Variants in BTBD9 observed in about 807,000 individuals in gnomAD.
BTBD9 encodes BTB/POZ domain-containing protein 9.
Under a neutral mutation model 64.3 loss-of-function variants are expected in BTBD9, and 49 were observed. The ratio of observed to expected loss-of-function variants is 0.76; its 90% CI spans 0.61 to 0.97. The LOEUF (loss-of-function observed/expected upper bound fraction) is 0.97, where lower values mean the gene tolerates loss of function less well. Among genes scored for constraint, BTBD9 ranks in the 50% least tolerant of loss-of-function variants. The pLI is 0.00. For missense variants in BTBD9, 598 were observed against 762.1 expected (o/e 0.78, Z 2.53); for synonymous variants, 260 against 274.7 (o/e 0.95, Z 0.53).
rs1401647748 is a variant in BTBD9, at chr6:38,168,697, TC to T, written c.*6287del. ...CATTCCCAACCCAGGCCTGGCATGG[TC>T]CCTGCCCTTGCATCAGAGTGGCCTG... On this transcript the variant is annotated 3_prime_UTR_variant, in exon 11 of 11. Transcript: ENST00000481247. 3.3e-5 allele frequency: 5 copies of T among 152,280 alleles called. No homozygotes were observed. The highest frequency in any genetic ancestry group is 5.9e-5 in the Non-Finnish European group (4 of 68,066). 9.4% of individuals were successfully genotyped at this position (152,280 alleles called of 1,614,324 possible).
At chr6:38,362,003 C>T (rs1249850552) in intron 6 of BTBD9, among the ~76,000 whole-genome samples, 2 of 152,198 alleles carry the variant, frequency 1.3e-5, no homozygotes, top group African/African-American at 4.8e-5. Flanking sequence ...CCTCCACTTG[C>T]TTTTCTGGCT....
intron 6 of BTBD9, among the ~76,000 whole-genome samples, chr6:38,556,258 T>C (rs985160429): frequency 6.6e-6 from 1 of 152,112 alleles, no homozygotes; most frequent in African/African-American, 2.4e-5. Flanking sequence ...ATAGTATAAA[T>C]AGACTAAATA....
intron 6 of BTBD9, among the ~76,000 whole-genome samples, chr6:38,448,933 C>T (rs778345752): frequency 5.3e-5 from 8 of 152,150 alleles, no homozygotes; most frequent in Non-Finnish European, 1.2e-4. Flanking sequence ...AACCACATGG[C>T]CCATCTGGGT....
rs183246349 is a variant in BTBD9, at chr6:38,635,080, A to G, written c.-28+4720T>C. The stretch of plus-strand genomic sequence containing the variant: ...CCCCAGTCCACACCTACTTAATCAG[A>G]AACTATGGGGGTGGGACCCAGAAAT... On this transcript the variant is annotated intron_variant, in intron 1 of 10. Coordinates refer to ENST00000481247, the MANE Select transcript of BTBD9 (RefSeq NM_001099272.2). Among the ~76,000 whole-genome samples the G allele has an allele frequency of 4.6e-5, 7 of 152,158 alleles. No homozygotes were observed. The East Asian group carries it at 1.2e-3, about 25-fold the overall frequency.
chr6:38,508,801 G>T (rs1260869997), intron 6 of BTBD9, among the ~76,000 whole-genome samples: 1 of 152,046 alleles, frequency 6.6e-6, no homozygotes, highest in Admixed American at 6.6e-5. Context: ...GTCCATACAT[G>T]TTATTCCCCC....
At chr6:38,240,851 T>C (rs997337367) in intron 9 of BTBD9, among the ~76,000 whole-genome samples, 2 of 152,174 alleles carry the variant, frequency 1.3e-5, no homozygotes, top group Admixed American at 6.5e-5. Context: ...GGCTTTCAAT[T>C]AGCCTACCAG....
At chr6:38,623,599 C>T (rs774585447) in intron 1 of BTBD9, among the ~76,000 whole-genome samples, 6 of 152,198 alleles carry the variant, frequency 3.9e-5, no homozygotes, top group Admixed American at 2.0e-4. Flanking sequence ...ACTAACCAGT[C>T]GGGAAAGTAC....
At chr6:38,637,997 A>G (rs1431290184) in intron 1 of BTBD9, among the ~76,000 whole-genome samples, 2 of 152,274 alleles carry the variant, frequency 1.3e-5, no homozygotes, top group East Asian at 1.9e-4. Context: ...GTATTCCCCT[A>G]TAAGAGACGT....
At chr6:38,477,829 G>A (rs146312584) in intron 6 of BTBD9, among the ~76,000 whole-genome samples, 61 of 152,312 alleles carry the variant, frequency 4.0e-4, no homozygotes, top group African/African-American at 1.3e-3. Flanking sequence ...CTCAAACTGA[G>A]CAACGATGCC....
intron 6 of BTBD9, among the ~76,000 whole-genome samples, chr6:38,426,767 C>G (rs1006334444): frequency 1.3e-5 from 2 of 151,844 alleles, no homozygotes; most frequent in African/African-American, 4.9e-5. Context: ...AGCTATAACA[C>G]TCACTGCATG....
intron 7 of BTBD9, among the ~76,000 whole-genome samples, chr6:38,330,655 T>A (rs1403933126): frequency 6.6e-6 from 1 of 152,164 alleles, no homozygotes; most frequent in Non-Finnish European, 1.5e-5. Flanking sequence ...AAACTTAGAA[T>A]AACTATGAGT....
At chr6:38,524,037 A>T (rs894165596) in intron 6 of BTBD9, among the ~76,000 whole-genome samples, 1 of 152,198 alleles carries the variant, frequency 6.6e-6, no homozygotes, top group Non-Finnish European at 1.5e-5. Flanking sequence ...GGACATACTT[A>T]TGTCTTTTCT....
rs897919624 is a variant in BTBD9 at position 38,202,407 on chromosome 6, G to GA, written c.1563-9811dup. 1.7e-3 allele frequency among the ~76,000 whole-genome samples: 244 copies of GA among 146,024 alleles called. 2 individuals carry two copies. Among genetic ancestry groups the GA allele is most frequent in the East Asian group, 0.012 (59 of 5,024 alleles). Reference sequence around the variant, plus strand: ...AAAAATGTCATTTTTTACAGAAACAGAAAAAAAAAATCCTAAAATTCATGT... The same window carrying GA: ...AAAAATGTCATTTTTTACAGAAACAGAAAAAAAAAAATCCTAAAATTCATGT... On this transcript the variant is annotated intron_variant, in intron 9 of 10. Coordinates refer to ENST00000481247, the MANE Select transcript of BTBD9 (RefSeq NM_001099272.2).
intron 6 of BTBD9, among the ~76,000 whole-genome samples, chr6:38,519,800 T>C (rs1773202410): frequency 6.6e-6 from 1 of 152,202 alleles, no homozygotes; most frequent in African/African-American, 2.4e-5. Context: ...ATTTCAGCTG[T>C]TACATAAGCC....
At chr6:38,266,625 A>AGAAAG in intron 8 of BTBD9, among the ~76,000 whole-genome samples, 17 of 62,496 alleles carry the variant, frequency 2.7e-4, no homozygotes, top group Non-Finnish European at 3.7e-4. Flanking sequence ...AAAGAAAGAA[A>AGAAAG]GAAAGAAAGA....
chr6:38,189,723 G>A (rs182284112), intron 10 of BTBD9, among the ~76,000 whole-genome samples: 1 of 152,038 alleles, frequency 6.6e-6, no homozygotes, highest in African/African-American at 2.4e-5. Context: ...GCCGAGGCTG[G>A]AGTGCAGTGG....
intron 7 of BTBD9, among the ~76,000 whole-genome samples, chr6:38,326,802 C>T (rs1252906166): frequency 6.6e-6 from 1 of 151,634 alleles, no homozygotes; most frequent in African/African-American, 2.4e-5. Flanking sequence ...GGGTATCCTC[C>T]TCCTCTACTT....
chr6:38,436,965 C>A (rs1265866288), intron 6 of BTBD9, among the ~76,000 whole-genome samples: 1 of 152,160 alleles, frequency 6.6e-6, no homozygotes, highest in Non-Finnish European at 1.5e-5. Context: ...AATCACTCAG[C>A]TTTTTCCTGG....
chr6:38,589,266 GTACTACCCTTA>G (rs1317771020), intron 4 of BTBD9, among the ~76,000 whole-genome samples: 1 of 152,102 alleles, frequency 6.6e-6, no homozygotes, highest in African/African-American at 2.4e-5. Context: ...TGTAACCCAG[GTACTACCCTTA>G]TACTGACCAG....
Sources: gnomAD v4.1 joint callset for allele counts (sites outside exome capture counted in the v4.1 genomes callset) on GRCh38, gnomAD v4.1.1 for gene constraint, MANE v1.5 for transcripts, NCBI Gene and HGNC (gene_info 2026-07-23, HGNC 2026-07-21) for gene names.